The following TSC2 variants were observed in gnomAD, a reference collection of about 807,000 sequenced individuals.
TSC2 encodes the protein TSC complex subunit 2.
In TSC2, 29 loss-of-function variants were observed where a neutral mutation model predicts 202.2. The observed-to-expected ratio is 0.14, with a 90% CI of 0.11 to 0.20. TSC2 has a LOEUF of 0.20. Among genes scored for constraint, TSC2 ranks in the 10% least tolerant of loss-of-function variants. The pLI, the probability that TSC2 is intolerant of heterozygous loss-of-function variation, is 1.00. For missense variants in TSC2, 2,429 were observed against 2,420.0 expected (o/e 1.00, Z -0.08); for synonymous variants, 1,349 against 1,044.0 (o/e 1.29, Z -5.63).
chr16:2,070,633 G>C, intron 17 of TSC2, 55 bp downstream of exon 17: 1 of 1,611,272 alleles, frequency 6.2e-7, no homozygotes, highest in South Asian at 1.1e-5. Context: ...AGGTATCCCC[G>C]TCTCGGCAGG....
intron 10 of TSC2, 152 bp from the exon 11 acceptor site, chr16:2,060,518 C>T (rs1051985852): frequency 4.4e-5 from 57 of 1,296,274 alleles, no homozygotes; most frequent in Non-Finnish European, 5.5e-5. Context: ...CCCTCCTGGG[C>T]GCCCCACCTG....
At chr16:2,062,097 A>T in intron 12 of TSC2, 89 bp downstream of exon 12, 1 of 1,581,198 alleles carries the variant, frequency 6.3e-7, no homozygotes, top group Non-Finnish European at 8.6e-7. Flanking sequence ...TGAGCCTCAG[A>T]AGCCAAGGGC....
chr16:2,050,284 G>T, intron 2 of TSC2, 116 bp from the exon 3 acceptor site: 1 of 1,010,178 alleles, frequency 9.9e-7, no homozygotes, highest in East Asian at 2.5e-5. Context: ...AGAAAGATCT[G>T]TTTTAAGTCT....
intron 14 of TSC2, 64 bp downstream of exon 14, chr16:2,063,117 G>A (rs1015484112): frequency 9.2e-6 from 14 of 1,529,612 alleles, no homozygotes; most frequent in Non-Finnish European, 1.2e-5. Context: ...GGCTGTCTCT[G>A]TTGTGCACGT....
chr16:2,051,268 C>A (rs1010729978), intron 3 of TSC2, among the ~76,000 whole-genome samples: 3 of 150,654 alleles, frequency 2.0e-5, no homozygotes, highest in African/African-American at 7.3e-5. Context: ...TGCAGTGAGC[C>A]GAGATCGCCC....
intron 1 of TSC2, 80 bp downstream of exon 1, chr16:2,048,145 T>G: frequency 6.5e-7 from 1 of 1,527,070 alleles, no homozygotes; most frequent in Non-Finnish European, 8.8e-7. Context: ...AGTGTCCGGG[T>G]CCCGGGCCCT....
intron 26 of TSC2, chr16:2,078,482 C>G (rs368688950): frequency 3.3e-4 from 62 of 187,160 alleles, no homozygotes; most frequent in African/African-American, 1.3e-3. Context: ...AAGCCATTTT[C>G]TAGCACATTC....
At chr16:2,053,847 C>G (rs375435783) in intron 4 of TSC2, 3 of 492,996 alleles carry the variant, frequency 6.1e-6, no homozygotes, top group Admixed American at 2.3e-5. Context: ...CCCTGAACAC[C>G]CAGGCCTCTT....
At position 2,048,704 on chromosome 16, in the gene TSC2, C is replaced by G. The variant is rs1425163522; in HGVS notation, c.89C>G (p.Ser30Cys). The change falls in exon 2 of 42, where the codon TCT becomes TGT. Residue 30 changes from serine (S) to cysteine (C), a missense_variant. By Grantham distance (112) the Ser-to-Cys change is moderately radical (BLOSUM62 -1). Coordinates refer to ENST00000219476, the MANE Select transcript of TSC2 (RefSeq NM_000548.5). ...GGAACACCGAGGCCAAATCCCAGGT[C>G]TGCAGAGGGTAAACAGACGGAGTTT... The part of the protein sequence containing the change: ...GLGTPRPNPR[S>C]AEGKQTEFII... The G allele has an allele frequency of 2.5e-6, 4 of 1,614,066 alleles. No individual in the cohort carries two copies. The highest frequency in any genetic ancestry group is 8.5e-7 in the Non-Finnish European group (1 of 1,180,032).
chr16:2,055,647 C>A, intron 6 of TSC2, 128 bp downstream of exon 6: 1 of 907,038 alleles, frequency 1.1e-6, no homozygotes, highest in Non-Finnish European at 1.8e-6. Context: ...AATCTCAGCA[C>A]TTTGGGAGGC....
chr16:2,074,018 G>A (rs1351409251), intron 21 of TSC2, among the ~76,000 whole-genome samples, 182 bp from the exon 22 acceptor site: 4 of 152,254 alleles, frequency 2.6e-5, no homozygotes, highest in East Asian at 1.9e-4. Context: ...GCAACTGACC[G>A]GAGCAGTCTG....
At chr16:2,059,150 C>G (rs2086293441) in intron 10 of TSC2, among the ~76,000 whole-genome samples, 1 of 151,550 alleles carries the variant, frequency 6.6e-6, no homozygotes, top group African/African-American at 2.4e-5. Context: ...TCCTGAGTAG[C>G]TGGGATTACA....
At position 2,052,504 on chromosome 16, in the gene TSC2, C is replaced by T. The variant is rs575732745; in HGVS notation, c.226-838C>T. The stretch of plus-strand genomic sequence containing the variant: ...TTTGTATTTTTTGTCGTGACAGGGT[C>T]TCACTGTGTTGCCCAGGCTAGTCTG... On this transcript the variant is annotated intron_variant, in intron 3 of 41. Coordinates refer to ENST00000219476, the MANE Select transcript of TSC2 (RefSeq NM_000548.5). Among the ~76,000 whole-genome samples, 355 of 152,246 alleles carry T rather than the reference C, an allele frequency of 2.3e-3. 3 individuals are homozygous for T. The highest frequency in any genetic ancestry group is 3.4e-4 in the Non-Finnish European group (23 of 68,024).
intron 3 of TSC2, among the ~76,000 whole-genome samples, chr16:2,051,987 C>T (rs1394442537): frequency 6.6e-6 from 1 of 152,152 alleles, no homozygotes; most frequent in Admixed American, 6.5e-5. Flanking sequence ...ATCGCTTAAA[C>T]TCAGGAGGCA....
chr16:2,054,020 G>A, intron 4 of TSC2: 1 of 533,480 alleles, frequency 1.9e-6, no homozygotes, highest in Non-Finnish European at 3.4e-6. Flanking sequence ...CAGGGGTCGG[G>A]CAGGAGCTGT....
chr16:2,049,248 T>C (rs1197498013), intron 2 of TSC2, among the ~76,000 whole-genome samples: 1 of 151,820 alleles, frequency 6.6e-6, no homozygotes, highest in Admixed American at 6.6e-5. Context: ...ACCACACCCA[T>C]TTAATTTTTG....
In TSC2 at chr16:2,085,038, C is replaced by T. The variant is rs45517350; in HGVS notation, c.4569+12C>T. 1.3e-4 allele frequency: 212 copies of T among 1,613,010 alleles called. No homozygotes were observed. Among genetic ancestry groups the T allele is most frequent in the Non-Finnish European group, 1.7e-4 (203 of 1,179,930 alleles). The stretch of plus-strand genomic sequence containing the variant: ...TGCTGCCCAATGAGGTAGGCGTGGC[C>T]TCCCTCTCCTGCATCCGCTGGAGCT... On this transcript the variant is annotated intron_variant, in intron 35 of 41. Transcript: ENST00000219476.
Position 2,079,558 on chromosome 16 carries a change from T to C in TSC2, c.3286T>C (p.Ser1096Pro), listed in dbSNP as rs755815612. 3 of 1,609,484 alleles carry C rather than the reference T, an allele frequency of 1.9e-6. No homozygotes were observed. The highest frequency in any genetic ancestry group is 2.7e-5 in the African/African-American group (2 of 74,794). The part of the protein sequence containing the change: ...GELQSGPESS[S>P]SPGVHVRQTK... ...CTGTGCGTGGGATTCTCTTCTCAGC[T>C]CCAGCCCCGGGGTGCATGTGAGACA... The change falls in exon 29 of 42, where the codon TCC becomes CCC. Residue 1096 changes from serine to proline, a missense_variant and splice_region_variant. Physicochemically the swap from Ser to Pro is moderately conservative, Grantham distance 74 (BLOSUM62 -1). Transcript: ENST00000219476. The surrounding 1 kb of genome is among the most constrained non-coding windows in gnomAD (Gnocchi z 4.6).
chr16:2,063,311 TTTTCACC>T (rs1158406178), intron 14 of TSC2: 31 of 593,136 alleles, frequency 5.2e-5, no homozygotes, highest in Non-Finnish European at 8.7e-5. Flanking sequence ...CTCCGGCCGG[TTTTCACC>T]CAACACAGGA....
Sources: allele counts gnomAD v4.1 joint callset (sites outside exome capture counted in the v4.1 genomes callset), GRCh38; gene constraint gnomAD v4.1.1; non-coding constraint Gnocchi (gnomAD v3.1); transcripts MANE v1.5; gene names NCBI Gene and HGNC (gene_info 2026-07-23, HGNC 2026-07-21).